Variants in AKAP6 observed in about 807,000 individuals in gnomAD.
AKAP6 encodes A-kinase anchoring protein 6.
AKAP6 carries 58 observed loss-of-function variants against 188.5 expected under a neutral mutation model. The observed-to-expected ratio is 0.31, with a 90% CI of 0.25 to 0.38. The LOEUF (loss-of-function observed/expected upper bound fraction) is 0.38, where lower values mean the gene tolerates loss of function less well. AKAP6 is among the 10% of genes least tolerant of loss of function. The pLI, the probability that AKAP6 is intolerant of heterozygous loss-of-function variation, is 1.00. For synonymous variants in AKAP6, 989 were observed against 998.6 expected, an observed-to-expected ratio of 0.99 and a Z score of 0.18; for missense variants, 2,710 against 2,740.0, an observed-to-expected ratio of 0.99 and a Z score of 0.24.
At chr14:32,405,242 A>G (rs1889248412) in intron 1 of AKAP6, among the ~76,000 whole-genome samples, 1 of 151,958 alleles carries the variant, frequency 6.6e-6, no homozygotes, top group Non-Finnish European at 1.5e-5. Context: ...TCCAACTCTC[A>G]CCCAAGTGCT....
At chr14:32,727,935 T>C (rs1268291198) in intron 9 of AKAP6, among the ~76,000 whole-genome samples, 1 of 152,206 alleles carries the variant, frequency 6.6e-6, no homozygotes, top group Non-Finnish European at 1.5e-5. Context: ...CAGCATCATA[T>C]GCGTTATGAG....
chr14:32,663,773 A>G (rs1385034367), intron 7 of AKAP6, among the ~76,000 whole-genome samples: 1 of 152,116 alleles, frequency 6.6e-6, no homozygotes, highest in African/African-American at 2.4e-5. Context: ...GAAGACTCAG[A>G]TACCCAAGGA....
Position 32,610,366 on chromosome 14 carries a change from T to C in AKAP6, c.2730+9574T>C, listed in dbSNP as rs190093008. On this transcript the variant is annotated intron_variant, in intron 7 of 13. Transcript: ENST00000280979. ...TTTCCAAATGTATTTTTCCTTTTCT[T>C]TGTTCTTTGCTCTTGCTCATGGCTT... Among the ~76,000 whole-genome samples, 11 of 152,316 alleles carry C rather than the reference T, an allele frequency of 7.2e-5. No homozygotes were observed. The East Asian group carries it at 2.1e-3, about 29-fold the overall frequency.
At chr14:32,329,874 G>A (rs997090389) in intron 1 of AKAP6, among the ~76,000 whole-genome samples, 1 of 152,004 alleles carries the variant, frequency 6.6e-6, no homozygotes, top group African/African-American at 2.4e-5. Context: ...TTCATGGCAA[G>A]GAACAAATGC....
intron 12 of AKAP6, among the ~76,000 whole-genome samples, chr14:32,799,698 A>G (rs1035385189): frequency 2.0e-5 from 3 of 151,836 alleles, no homozygotes; most frequent in Non-Finnish European, 1.5e-5. Context: ...TATTCTTTTA[A>G]ATTTGTTAAG....
At chr14:32,721,735 G>A (rs115905379) in intron 9 of AKAP6, among the ~76,000 whole-genome samples, 2,098 of 152,250 alleles carry the variant, frequency 0.014, 36 homozygotes, top group African/African-American at 0.047. Flanking sequence ...TTGTTCTAGC[G>A]AGTGACAGCT....
At position 32,607,285 on chromosome 14, in the gene AKAP6, G is replaced by A. The variant is rs7157621; in HGVS notation, c.2730+6493G>A. Among the ~76,000 whole-genome samples the A allele has an allele frequency of 4.0e-3, 602 of 152,280 alleles. 4 individuals carry two copies. The highest frequency in any genetic ancestry group is 0.013 in the African/African-American group (544 of 41,560). On this transcript the variant is annotated intron_variant, in intron 7 of 13. Transcript: ENST00000280979. ...CATGTTCCTTAATATAAGATCTTCC[G>A]AAACAGTGCTAATGCAATCAATGGG...
At chr14:32,756,365 G>C (rs75841310) in intron 11 of AKAP6, among the ~76,000 whole-genome samples, 3,140 of 152,174 alleles carry the variant, frequency 0.021, 51 homozygotes, top group South Asian at 0.039. Flanking sequence ...AGGTGGACCT[G>C]GCTTCTGGAG....
intron 2 of AKAP6, among the ~76,000 whole-genome samples, chr14:32,466,739 C>CA (rs71432057): frequency 0.54 from 57,328 of 105,908 alleles, 12,946 homozygotes; most frequent in Middle Eastern, 0.58. Flanking sequence ...ACTTAAAGTT[C>CA]AAAAAAAAAA....
chr14:32,341,017 T>A (rs1426878488), intron 1 of AKAP6, among the ~76,000 whole-genome samples: 1 of 152,242 alleles, frequency 6.6e-6, no homozygotes, highest in Non-Finnish European at 1.5e-5. Context: ...ACAATAGTAT[T>A]TATATACCAT....
At chr14:32,405,538 A>G (rs902358928) in intron 1 of AKAP6, among the ~76,000 whole-genome samples, 1 of 152,160 alleles carries the variant, frequency 6.6e-6, no homozygotes, top group African/African-American at 2.4e-5. Flanking sequence ...TTCAGATTTC[A>G]GTTTGCAGTT....
At chr14:32,586,225 G>T (rs927223402) in intron 5 of AKAP6, among the ~76,000 whole-genome samples, 1 of 152,144 alleles carries the variant, frequency 6.6e-6, no homozygotes, top group Non-Finnish European at 1.5e-5. Context: ...GGGAGTAAAA[G>T]GTTAAAGTCA....
intron 7 of AKAP6, among the ~76,000 whole-genome samples, chr14:32,668,161 C>A (rs562512368): frequency 2.0e-5 from 3 of 152,202 alleles, no homozygotes; most frequent in Admixed American, 2.0e-4. Context: ...ATCAAAAATT[C>A]TAATCATCGT....
At chr14:32,429,032 C>T (rs1890130484) in intron 1 of AKAP6, among the ~76,000 whole-genome samples, 1 of 152,136 alleles carries the variant, frequency 6.6e-6, no homozygotes, top group Non-Finnish European at 1.5e-5. Flanking sequence ...GGAAAGGTGG[C>T]CGCAGACAAG....
intron 1 of AKAP6, among the ~76,000 whole-genome samples, chr14:32,376,878 G>A (rs1319223889): frequency 6.6e-6 from 1 of 152,086 alleles, no homozygotes; most frequent in Non-Finnish European, 1.5e-5. Context: ...TGTATTTTTA[G>A]TAGAGATGGG....
intron 5 of AKAP6, among the ~76,000 whole-genome samples, chr14:32,586,766 A>G (rs138714537): frequency 6.7e-4 from 102 of 152,348 alleles, no homozygotes; most frequent in Middle Eastern, 6.8e-3. Flanking sequence ...AATATGCCAT[A>G]ATTTACATAA....
chr14:32,430,995 C>A (rs1890202425), intron 1 of AKAP6, among the ~76,000 whole-genome samples: 1 of 151,938 alleles, frequency 6.6e-6, no homozygotes, highest in Non-Finnish European at 1.5e-5. Flanking sequence ...GACCCAGCTA[C>A]CTGGGGGGTT....
chr14:32,468,391 C>T (rs1003362513), intron 2 of AKAP6, among the ~76,000 whole-genome samples: 14 of 152,110 alleles, frequency 9.2e-5, no homozygotes, highest in Non-Finnish European at 2.9e-5. Context: ...AGACCAAAGT[C>T]CTGTGAGACA....
At chr14:32,540,160 CTCTCTCTCTA>C (rs1296284806) in intron 3 of AKAP6, among the ~76,000 whole-genome samples, 62 of 110,600 alleles carry the variant, frequency 5.6e-4, no homozygotes, top group East Asian at 2.6e-3. Flanking sequence ...CTCTCTCTCT[CTCTCTCTCTA>C]TATATATATA....
Sources: gnomAD v4.1 joint callset for allele counts (sites outside exome capture counted in the v4.1 genomes callset) on GRCh38, gnomAD v4.1.1 for gene constraint, MANE v1.5 for transcripts, NCBI Gene and HGNC (gene_info 2026-07-23, HGNC 2026-07-21) for gene names.